NRG1: variants seen among roughly 807,000 people sequenced by gnomAD.
The protein encoded by NRG1 is pro-neuregulin-1, membrane-bound isoform.
NRG1 carries 18 observed loss-of-function variants against 63.8 expected under a neutral mutation model. The observed-to-expected ratio is 0.28, with a 90% CI of 0.19 to 0.42. The LOEUF is 0.42. Among genes scored for constraint, NRG1 ranks in the 10% least tolerant of loss-of-function variants. NRG1 has a pLI of 1.00. For missense variants in NRG1, 762 were observed against 814.7 expected (o/e 0.94, Z 0.79); for synonymous variants, 302 against 301.3 (o/e 1.00, Z -0.02).
At chr8:31,709,483 A>G (rs891065800) in intron 1 of NRG1, among the ~76,000 whole-genome samples, 1 of 151,988 alleles carries the variant, frequency 6.6e-6, no homozygotes, top group African/African-American at 2.4e-5. Context: ...GGAAAGAATA[A>G]TTTTTTAAAA....
chr8:32,359,615 C>T (rs992045193), intron 1 of NRG1, among the ~76,000 whole-genome samples: 8 of 152,106 alleles, frequency 5.3e-5, no homozygotes, highest in African/African-American at 1.7e-4. Context: ...AATTAAACTA[C>T]AATTATCTAA....
At chr8:31,903,591 G>A (rs1490945912) in intron 1 of NRG1, among the ~76,000 whole-genome samples, 1 of 152,080 alleles carries the variant, frequency 6.6e-6, no homozygotes, top group Non-Finnish European at 1.5e-5. Context: ...TTTTTAGATA[G>A]ACAATAACAA....
intron 1 of NRG1, among the ~76,000 whole-genome samples, chr8:32,429,087 G>A (rs1051058563): frequency 2.0e-5 from 3 of 151,916 alleles, no homozygotes; most frequent in African/African-American, 7.3e-5. Flanking sequence ...TAGTCACGTT[G>A]GACATTAGTG....
At chr8:32,214,728 A>T (rs1364788630) in intron 1 of NRG1, among the ~76,000 whole-genome samples, 1 of 152,130 alleles carries the variant, frequency 6.6e-6, no homozygotes, top group Non-Finnish European at 1.5e-5. Flanking sequence ...TGAGTGGTTG[A>T]TCTTAGTTCA....
chr8:32,530,009 C>G (rs1831276960), intron 1 of NRG1, among the ~76,000 whole-genome samples: 1 of 152,172 alleles, frequency 6.6e-6, no homozygotes, highest in Admixed American at 6.5e-5. Context: ...ACTGGCAGGA[C>G]AGTAGGTTTG....
intron 1 of NRG1, among the ~76,000 whole-genome samples, chr8:32,280,680 GTTTTTTTTTTGTTTTTTTTT>G (rs1394073234): frequency 1.9e-5 from 1 of 53,720 alleles, no homozygotes; most frequent in Admixed American, 2.5e-4. Flanking sequence ...ACTGAATTAG[GTTTTTTTTTTGTTTTTTTTT>G]TTTTTTTTTT....
At chr8:32,736,165 G>C (rs1825004400) in intron 6 of NRG1, among the ~76,000 whole-genome samples, 1 of 152,194 alleles carries the variant, frequency 6.6e-6, no homozygotes, top group Non-Finnish European at 1.5e-5. Flanking sequence ...TTTTGCAGAT[G>C]ATGCTAGAAA....
intron 1 of NRG1, among the ~76,000 whole-genome samples, chr8:32,136,128 C>T (rs1016371875): frequency 3.3e-5 from 5 of 152,110 alleles, no homozygotes; most frequent in African/African-American, 1.2e-4. Context: ...TTGGAAGATA[C>T]AGTGGCCTGT....
chr8:32,754,488 C>T lies in NRG1; in HGVS notation c.794+14C>T. 6.2e-7 allele frequency: 1 copy of T among 1,611,576 alleles called. No homozygotes were observed. Among genetic ancestry groups the T allele is most frequent in the Non-Finnish European group, 8.5e-7 (1 of 1,178,386 alleles). On this transcript the variant is annotated intron_variant, in intron 8 of 11. Coordinates refer to ENST00000356819, the Ensembl canonical transcript of NRG1. ...CTGCAAAACCAAGTAAACCTTCTTT[C>T]TCCATGCCTTTCTCTCTCCTTCATG...
At chr8:32,291,726 G>A (rs1326690514) in intron 1 of NRG1, among the ~76,000 whole-genome samples, 1 of 151,780 alleles carries the variant, frequency 6.6e-6, no homozygotes, top group Non-Finnish European at 1.5e-5. Flanking sequence ...CGTATTTTTA[G>A]TAGAAATGGG....
chr8:31,687,735 G>T (rs1271336299), intron 1 of NRG1, among the ~76,000 whole-genome samples: 1 of 152,244 alleles, frequency 6.6e-6, no homozygotes, highest in Non-Finnish European at 1.5e-5. Flanking sequence ...GAGTCAAGGT[G>T]TTTCTTTGGC....
chr8:31,911,503 A>G (rs1308285239), intron 1 of NRG1, among the ~76,000 whole-genome samples: 1 of 152,174 alleles, frequency 6.6e-6, no homozygotes, highest in East Asian at 1.9e-4. Context: ...TAAATACCTC[A>G]TGTTCTCACT....
At chr8:32,212,275 A>T (rs1274356116) in intron 1 of NRG1, among the ~76,000 whole-genome samples, 1 of 152,180 alleles carries the variant, frequency 6.6e-6, no homozygotes, top group East Asian at 1.9e-4. Flanking sequence ...ATACACATAA[A>T]ATACTTAAAA....
intron 1 of NRG1, among the ~76,000 whole-genome samples, chr8:32,312,302 T>G (rs1289400110): frequency 6.7e-6 from 1 of 148,326 alleles, no homozygotes; most frequent in Non-Finnish European, 1.5e-5. Flanking sequence ...TAGCTGGGAC[T>G]ACAGGCGCAA....
intron 1 of NRG1, among the ~76,000 whole-genome samples, chr8:32,406,648 C>T (rs1188683622): frequency 2.0e-5 from 3 of 152,038 alleles, no homozygotes; most frequent in African/African-American, 7.2e-5. Flanking sequence ...ATTTTGATGT[C>T]TCCTACCCAA....
chr8:32,196,972 T>TTTTTTTTTTTTTTTTG (rs1843020357), intron 1 of NRG1, among the ~76,000 whole-genome samples: 1 of 114,624 alleles, frequency 8.7e-6, no homozygotes, highest in Non-Finnish European at 1.7e-5. Context: ...TTTTTTTTTT[T>TTTTTTTTTTTTTTTTG]TTTTTAAGAT....
chr8:31,731,087 A>G (rs1322338138), intron 1 of NRG1, among the ~76,000 whole-genome samples: 10 of 152,160 alleles, frequency 6.6e-5, no homozygotes, highest in Non-Finnish European at 1.3e-4. Flanking sequence ...ATGGAGAAGC[A>G]CGTCTCATCT....
At chr8:32,769,302 G>A (rs1161942655), downstream of NRG1, among the ~76,000 whole-genome samples, 1 of 152,204 alleles carries the variant, frequency 6.6e-6, no homozygotes, top group Non-Finnish European at 1.5e-5. Context: ...AGGAGGTGAG[G>A]TGGTTTGGAA....
At chr8:32,132,073 T>C (rs535625478) in intron 1 of NRG1, among the ~76,000 whole-genome samples, 14 of 152,164 alleles carry the variant, frequency 9.2e-5, no homozygotes, top group African/African-American at 2.9e-4. Flanking sequence ...CTGAAGCCAC[T>C]ATGTTTTTGT....
Sources: gnomAD v4.1 joint callset for allele counts (sites outside exome capture counted in the v4.1 genomes callset) on GRCh38, gnomAD v4.1.1 for gene constraint, MANE v1.5 for transcripts, NCBI Gene and HGNC (gene_info 2026-07-23, HGNC 2026-07-21) for gene names.